MYO1D: variants seen among roughly 807,000 people sequenced by gnomAD.
MYO1D encodes myosin ID.
In MYO1D, 83 loss-of-function variants were observed where a neutral mutation model predicts 122.0. That is an observed-to-expected ratio of 0.68 (90% CI 0.57 to 0.82). The LOEUF is 0.82. Among genes scored for constraint, MYO1D ranks in the 40% least tolerant of loss-of-function variants. MYO1D has a pLI of 0.00. For missense variants in MYO1D, 1,157 were observed against 1,269.5 expected (o/e 0.91, Z 1.35); for synonymous variants, 464 against 446.9 (o/e 1.04, Z -0.48).
chr17:32,506,647 C>A (rs953442950), intron 21 of MYO1D, among the ~76,000 whole-genome samples: 2 of 152,118 alleles, frequency 1.3e-5, no homozygotes, highest in Admixed American at 1.3e-4. Context: ...GCACAGTAAA[C>A]CTAGATGTGC....
chr17:32,688,032 C>T (rs2089042590), intron 16 of MYO1D, among the ~76,000 whole-genome samples: 1 of 152,136 alleles, frequency 6.6e-6, no homozygotes, highest in Non-Finnish European at 1.5e-5. Context: ...ACAGAATCCA[C>T]CGGGAATTTC....
At chr17:32,780,485 A>G (rs2090223653) in intron 2 of MYO1D, 91 bp downstream of exon 2, 1 of 1,369,736 alleles carries the variant, frequency 7.3e-7, no homozygotes, top group African/African-American at 1.8e-5. Context: ...CTACCTTTAA[A>G]AAAATATTTA....
chr17:32,646,631 A>T (rs1400078775), intron 19 of MYO1D, among the ~76,000 whole-genome samples: 1 of 152,194 alleles, frequency 6.6e-6, no homozygotes, highest in Non-Finnish European at 1.5e-5. Context: ...GTCCTTTTAT[A>T]TGTTCCCGAG....
At chr17:32,611,790 G>A (rs2087705585) in intron 20 of MYO1D, among the ~76,000 whole-genome samples, 1 of 152,236 alleles carries the variant, frequency 6.6e-6, no homozygotes, top group South Asian at 2.1e-4. Flanking sequence ...AGTGAGCCGA[G>A]ATCATGCCAC....
chr17:32,745,366 C>T, intron 12 of MYO1D, 81 bp from the exon 13 acceptor site: 5 of 801,636 alleles, frequency 6.2e-6, no homozygotes, highest in Non-Finnish European at 1.0e-5. Flanking sequence ...GGCAACAAGC[C>T]TTTCCACCGT....
intron 21 of MYO1D, among the ~76,000 whole-genome samples, chr17:32,522,423 T>C (rs1910177497): frequency 6.6e-6 from 1 of 152,218 alleles, no homozygotes; most frequent in African/African-American, 2.4e-5. Flanking sequence ...CTCTAGTTTC[T>C]TGAAGGCCTT....
chr17:32,502,635 C>T (rs1245154664), intron 21 of MYO1D, among the ~76,000 whole-genome samples: 1 of 152,170 alleles, frequency 6.6e-6, no homozygotes, highest in African/African-American at 2.4e-5. Context: ...TTTCTCTCCT[C>T]ATCTCAAGTT....
rs141736160 is a variant in MYO1D, at chr17:32,718,389, A to G, written c.1913+2634T>C. Among the ~76,000 whole-genome samples the G allele has an allele frequency of 2.9e-3, 440 of 152,234 alleles. 4 individuals are homozygous for G. The highest frequency in any genetic ancestry group is 0.01 in the African/African-American group (422 of 41,542). ...ATAAAGGGCAGCATAAAGTTGCTAC[A>G]CTTTTCTTCTTAAAATGCCATCTTC... On this transcript the variant is annotated intron_variant, in intron 15 of 21. Coordinates refer to ENST00000318217, the MANE Select transcript of MYO1D (RefSeq NM_015194.3).
intron 21 of MYO1D, among the ~76,000 whole-genome samples, chr17:32,550,803 C>G (rs1381167443): frequency 1.3e-5 from 2 of 151,970 alleles, no homozygotes; most frequent in Non-Finnish European, 1.5e-5. Flanking sequence ...GGAGACCAGC[C>G]TGGGTAATGT....
intron 16 of MYO1D, among the ~76,000 whole-genome samples, chr17:32,681,154 T>G (rs1335470345): frequency 5.9e-5 from 9 of 152,208 alleles, no homozygotes; most frequent in African/African-American, 2.2e-4. Context: ...TTTTCTTTAT[T>G]AGTCTTGCTA....
intron 16 of MYO1D, among the ~76,000 whole-genome samples, chr17:32,695,725 T>C (rs1344117617): frequency 2.0e-5 from 3 of 152,214 alleles, no homozygotes; most frequent in African/African-American, 7.2e-5. Context: ...CCAATGTGAA[T>C]TGTTGATAAG....
intron 21 of MYO1D, among the ~76,000 whole-genome samples, chr17:32,567,019 C>A (rs1300403711): frequency 2.6e-5 from 4 of 150,974 alleles, no homozygotes; most frequent in Non-Finnish European, 5.9e-5. Context: ...TGGAGGAAAT[C>A]AAAAAGGAGC....
At chr17:32,736,556 G>A (rs1405372407) in intron 14 of MYO1D, among the ~76,000 whole-genome samples, 1 of 152,192 alleles carries the variant, frequency 6.6e-6, no homozygotes, top group Admixed American at 6.5e-5. Context: ...TCATTTATAG[G>A]AGAGAGTAAT....
chr17:32,688,822 G>A (rs1368685360), intron 16 of MYO1D, among the ~76,000 whole-genome samples: 1 of 152,138 alleles, frequency 6.6e-6, no homozygotes, highest in African/African-American at 2.4e-5. Flanking sequence ...TCACACAGAA[G>A]TGGTTTAGGG....
intron 14 of MYO1D, among the ~76,000 whole-genome samples, 184 bp from the exon 15 acceptor site, chr17:32,721,373 T>G (rs557694522): frequency 5.0e-4 from 76 of 152,322 alleles, no homozygotes; most frequent in Admixed American, 2.2e-3. Context: ...GAAGTTCTCA[T>G]GCATTCAGCC....
At chr17:32,767,927 G>A (rs138828669) in intron 6 of MYO1D, among the ~76,000 whole-genome samples, 175 bp from the exon 7 acceptor site, 29 of 152,294 alleles carry the variant, frequency 1.9e-4, no homozygotes, top group African/African-American at 7.0e-4. Flanking sequence ...TATTCAGCAC[G>A]TACAAAGCCC....
chr17:32,503,168 C>T (rs534574041), intron 21 of MYO1D, among the ~76,000 whole-genome samples: 15 of 152,370 alleles, frequency 9.8e-5, no homozygotes, highest in South Asian at 2.1e-4. Flanking sequence ...CCTGTGCCTT[C>T]GCAGGCCCTG....
chr17:32,711,536 C>G (rs998174789), intron 16 of MYO1D, among the ~76,000 whole-genome samples: 3 of 151,934 alleles, frequency 2.0e-5, no homozygotes, highest in African/African-American at 7.3e-5. Context: ...ATCCCAGCTA[C>G]TCGGGAGGCT....
At chr17:32,749,760 C>G (rs2089879393) in intron 11 of MYO1D, among the ~76,000 whole-genome samples, 1 of 152,114 alleles carries the variant, frequency 6.6e-6, no homozygotes, top group Non-Finnish European at 1.5e-5. Context: ...AATTTAGCTA[C>G]TATCTTCATG....
Sources: allele counts gnomAD v4.1 joint callset (sites outside exome capture counted in the v4.1 genomes callset), GRCh38; gene constraint gnomAD v4.1.1; transcripts MANE v1.5; gene names NCBI Gene and HGNC (gene_info 2026-07-23, HGNC 2026-07-21).